The following ANKRD45 variants were observed in gnomAD, a reference collection of about 807,000 sequenced individuals.
The protein encoded by ANKRD45 is ankyrin repeat domain-containing protein 45.
In ANKRD45, 21 loss-of-function variants were observed where a neutral mutation model predicts 28.1. The observed-to-expected ratio is 0.75, with a 90% CI of 0.53 to 1.08. The LOEUF (loss-of-function observed/expected upper bound fraction) is 1.08, where lower values mean the gene tolerates loss of function less well. ANKRD45 is among the 50% of genes least tolerant of loss of function. The probability of loss-of-function intolerance (pLI) is 0.00; values close to 1 mark genes in which losing one functional copy is unlikely to be tolerated. For synonymous variants in ANKRD45, 86 were observed against 103.9 expected, an observed-to-expected ratio of 0.83 and a Z score of 1.05; for missense variants, 261 against 308.7, an observed-to-expected ratio of 0.85 and a Z score of 1.16.
chr1:173,668,154 A>G (rs1670103108), intron 1 of ANKRD45, among the ~76,000 whole-genome samples: 1 of 152,258 alleles, frequency 6.6e-6, no homozygotes, highest in Non-Finnish European at 1.5e-5. Flanking sequence ...ATCATTTCTT[A>G]AGAGTAAAAT....
upstream of ANKRD45, among the ~76,000 whole-genome samples, chr1:173,671,777 G>A (rs1358516913): frequency 6.6e-6 from 1 of 151,618 alleles, no homozygotes; most frequent in Non-Finnish European, 1.5e-5. Context: ...AGCTCCTTGG[G>A]AGGATGAGGC....
At chr1:173,634,406 G>A (rs1277593567) in intron 3 of ANKRD45, among the ~76,000 whole-genome samples, 1 of 151,932 alleles carries the variant, frequency 6.6e-6, no homozygotes, top group Non-Finnish European at 1.5e-5. Context: ...GCTACGTTGT[G>A]TATATATTCT....
intron 3 of ANKRD45, chr1:173,635,442 T>G: frequency 1.9e-6 from 2 of 1,035,930 alleles, no homozygotes; most frequent in Non-Finnish European, 2.7e-6. Flanking sequence ...AATTTAGTTA[T>G]TTTATTTTAT....
chr1:173,701,680 G>A, the ANKRD45 span, among the ~76,000 whole-genome samples: 1 of 152,190 alleles, frequency 6.6e-6, no homozygotes, highest in Non-Finnish European at 1.5e-5. Context: ...GAGGTCGGGA[G>A]ATGGGGGAGG....
the ANKRD45 span, among the ~76,000 whole-genome samples, chr1:173,681,137 A>T: frequency 1.4e-3 from 209 of 151,888 alleles, 2 homozygotes; most frequent in South Asian, 0.015. Flanking sequence ...TAATTTTTTT[A>T]AAAAAAAGGT....
chr1:173,627,146 A>C lies in ANKRD45; in HGVS notation c.510T>G (p.Thr170=). ...EFLDWADARL[T]LKKYIAKVSL... is the part of the protein sequence containing the mutation. ...AGACTTTTGCAATATATTTTTTCAGAGTCAGCCTTGCATCTGAAAGAATGG... is the reference window on the plus strand; with the variant it reads ...AGACTTTTGCAATATATTTTTTCAGCGTCAGCCTTGCATCTGAAAGAATGG... Residue 170 remains threonine (T), a synonymous_variant, in exon 4 of 6, where the codon ACT becomes ACG. Transcript: ENST00000333279. 5.6e-6 allele frequency: 9 copies of C among 1,611,772 alleles called. No individual in the cohort carries two copies. Among genetic ancestry groups the C allele is most frequent in the Non-Finnish European group, 7.6e-6 (9 of 1,178,914 alleles).
intron 5 of ANKRD45, among the ~76,000 whole-genome samples, chr1:173,613,034 G>A (rs1250637391): frequency 2.0e-5 from 3 of 151,812 alleles, no homozygotes; most frequent in South Asian, 2.1e-4. Flanking sequence ...AGTGAGGAGC[G>A]TCTCTGCCTG....
At chr1:173,648,079 A>G (rs1474685888) in intron 2 of ANKRD45, among the ~76,000 whole-genome samples, 1 of 152,148 alleles carries the variant, frequency 6.6e-6, no homozygotes, top group Non-Finnish European at 1.5e-5. Flanking sequence ...AGCTGGGACT[A>G]CAGGCATGCA....
rs566802177 is a variant in ANKRD45 at position 173,627,784 on chromosome 1, CA to C, written c.497-626del. On this transcript the variant is annotated intron_variant, in intron 3 of 5. Coordinates refer to ENST00000333279, the MANE Select transcript of ANKRD45 (RefSeq NM_198493.3). Reference sequence around the variant, plus strand: ...TTGGGGTGCACATCACCTAGTGAGACACCAGCCTGAATGACCATGAGAGTGC... The same window carrying C: ...TTGGGGTGCACATCACCTAGTGAGACCCAGCCTGAATGACCATGAGAGTGC... Among the ~76,000 whole-genome samples the C allele has an allele frequency of 2.0e-3, 299 of 152,148 alleles. 2 individuals are homozygous for C. The highest frequency in any genetic ancestry group is 5.0e-3 in the Admixed American group (76 of 15,284).
At chr1:173,635,286 G>C in intron 3 of ANKRD45, 1 of 414,864 alleles carries the variant, frequency 2.4e-6, no homozygotes, top group Non-Finnish European at 4.3e-6. Flanking sequence ...TTATCCCTGA[G>C]TCACTATGAC....
At chr1:173,687,444 T>C in the ANKRD45 span, among the ~76,000 whole-genome samples, 2 of 134,730 alleles carry the variant, frequency 1.5e-5, no homozygotes, top group African/African-American at 6.0e-5. Flanking sequence ...TCCCTTTTTA[T>C]ATAAATTCTA....
At chr1:173,659,819 G>A (rs1277230860) in intron 1 of ANKRD45, among the ~76,000 whole-genome samples, 2 of 152,128 alleles carry the variant, frequency 1.3e-5, no homozygotes, top group African/African-American at 4.8e-5. Context: ...GGTTACTGGA[G>A]CCAGATTATG....
At chr1:173,636,766 C>A in intron 3 of ANKRD45, 1 of 1,146,886 alleles carries the variant, frequency 8.7e-7, no homozygotes, top group Non-Finnish European at 1.2e-6. Flanking sequence ...ATTAACTATA[C>A]TATAGTATTG....
At chr1:173,681,516 G>A in the ANKRD45 span, among the ~76,000 whole-genome samples, 2 of 151,992 alleles carry the variant, frequency 1.3e-5, no homozygotes, top group Non-Finnish European at 2.9e-5. Flanking sequence ...TTGTGTACAC[G>A]ACACATAAAT....
the ANKRD45 span, among the ~76,000 whole-genome samples, chr1:173,685,174 C>G: frequency 3.9e-5 from 6 of 152,190 alleles, no homozygotes; most frequent in Non-Finnish European, 7.3e-5. Context: ...CACAATACCA[C>G]CACACATCCA....
chr1:173,666,056 A>G (rs1571785866), intron 1 of ANKRD45, among the ~76,000 whole-genome samples: 2 of 152,320 alleles, frequency 1.3e-5, no homozygotes, highest in East Asian at 3.9e-4. Flanking sequence ...GTACGTATTA[A>G]TTCATCTTAA....
chr1:173,648,016 C>T (rs1343225392), intron 2 of ANKRD45, among the ~76,000 whole-genome samples: 1 of 151,998 alleles, frequency 6.6e-6, no homozygotes, highest in Non-Finnish European at 1.5e-5. Flanking sequence ...GATCTCGGCT[C>T]ACTGCAACCT....
the ANKRD45 span, among the ~76,000 whole-genome samples, chr1:173,695,805 TG>T: frequency 6.6e-6 from 1 of 152,152 alleles, no homozygotes; most frequent in African/African-American, 2.4e-5. Context: ...CTGAACTAGT[TG>T]ACATTCCCAC....
intron 3 of ANKRD45, among the ~76,000 whole-genome samples, chr1:173,630,854 G>C (rs1467602715): frequency 2.3e-5 from 3 of 128,186 alleles, no homozygotes; most frequent in African/African-American, 8.6e-5. Context: ...AAGAGAGAGA[G>C]ACACAAAAAA....
Sources: allele counts gnomAD v4.1 joint callset (sites outside exome capture counted in the v4.1 genomes callset), GRCh38; gene constraint gnomAD v4.1.1; transcripts MANE v1.5; gene names NCBI Gene and HGNC (gene_info 2026-07-23, HGNC 2026-07-21).